DCC: variants seen among roughly 807,000 people sequenced by gnomAD.
The protein encoded by DCC is DCC netrin 1 receptor, also known as netrin receptor DCC.
In DCC, 58 loss-of-function variants were observed where a neutral mutation model predicts 172.5. That is an observed-to-expected ratio of 0.34 (90% confidence interval 0.27 to 0.42). The LOEUF (loss-of-function observed/expected upper bound fraction) is 0.42. Among genes scored for constraint, DCC ranks in the 10% least tolerant of loss-of-function variants. The pLI, the probability that DCC is intolerant of heterozygous loss-of-function variation, is 1.00. For missense variants in DCC, 1,740 were observed against 1,791.0 expected (o/e 0.97, Z 0.51); for synonymous variants, 709 against 644.5 (o/e 1.10, Z -1.52).
intron 5 of DCC, among the ~76,000 whole-genome samples, chr18:53,054,377 C>T (rs574300068): frequency 6.6e-6 from 1 of 151,970 alleles, no homozygotes; most frequent in Non-Finnish European, 1.5e-5. Flanking sequence ...TATATGTAGG[C>T]TCACACACAC....
chr18:53,183,669 A>T (rs2055233588), intron 9 of DCC, among the ~76,000 whole-genome samples: 1 of 152,058 alleles, frequency 6.6e-6, no homozygotes, highest in Non-Finnish European at 1.5e-5. Context: ...TATATTCTTT[A>T]CACTAAAAAG....
intron 7 of DCC, among the ~76,000 whole-genome samples, chr18:53,072,534 C>G (rs965624303): frequency 2.0e-5 from 3 of 152,064 alleles, no homozygotes; most frequent in African/African-American, 7.2e-5. Flanking sequence ...AGTGGAGGGC[C>G]GTGGAACTGG....
chr18:53,247,768 T>C (rs1055519322), intron 12 of DCC, among the ~76,000 whole-genome samples: 1 of 152,020 alleles, frequency 6.6e-6, no homozygotes, highest in African/African-American at 2.4e-5. Flanking sequence ...TGGAAACTAG[T>C]CTATTTGGTT....
intron 2 of DCC, among the ~76,000 whole-genome samples, chr18:52,784,977 A>C (rs758944536): frequency 1.3e-5 from 2 of 151,704 alleles, no homozygotes; most frequent in Non-Finnish European, 2.9e-5. Context: ...TGTCCAAAAA[A>C]GTGGGGAGGT....
At chr18:52,809,543 G>T (rs12967780) in intron 2 of DCC, 88,276 of 153,052 alleles carry the variant, frequency 0.58, 28,889 homozygotes, top group East Asian at 0.85. Flanking sequence ...ACAATGGCGA[G>T]CCTTTAGCCA....
intron 7 of DCC, among the ~76,000 whole-genome samples, chr18:53,134,859 G>T (rs1211199367): frequency 6.6e-6 from 1 of 152,114 alleles, no homozygotes; most frequent in Admixed American, 6.6e-5. Context: ...GTTGACGTTT[G>T]CAAATGACAG....
intron 5 of DCC, among the ~76,000 whole-genome samples, chr18:53,008,266 G>A (rs182859970): frequency 9.9e-5 from 15 of 151,978 alleles, no homozygotes; most frequent in African/African-American, 2.4e-4. Context: ...CAGTTATTTC[G>A]CGGACTTGTG....
At chr18:53,203,898 G>A (rs1042947774) in intron 9 of DCC, among the ~76,000 whole-genome samples, 1 of 152,080 alleles carries the variant, frequency 6.6e-6, no homozygotes, top group South Asian at 2.1e-4. Flanking sequence ...CTATATACAG[G>A]TCCATATGCA....
intron 1 of DCC, among the ~76,000 whole-genome samples, chr18:52,576,414 T>G (rs1144089): frequency 1.7e-4 from 26 of 152,322 alleles, no homozygotes; most frequent in Admixed American, 1.6e-3. Context: ...TAGAATAATT[T>G]TAAAGAGGGC....
intron 25 of DCC, among the ~76,000 whole-genome samples, chr18:53,468,363 T>TTTATTTAA (rs1555675962): frequency 1.8e-5 from 1 of 54,722 alleles, no homozygotes; most frequent in African/African-American, 4.3e-5. Flanking sequence ...TATTTATTTA[T>TTTATTTAA]TTTATTTATT....
At chr18:52,922,625 G>A (rs2040143577) in intron 3 of DCC, among the ~76,000 whole-genome samples, 1 of 152,162 alleles carries the variant, frequency 6.6e-6, no homozygotes, top group Non-Finnish European at 1.5e-5. Context: ...GTCTTCCTCA[G>A]GAGATGTGGA....
intron 15 of DCC, among the ~76,000 whole-genome samples, chr18:53,351,808 C>A (rs527765661): frequency 1.3e-5 from 2 of 151,816 alleles, no homozygotes; most frequent in Non-Finnish European, 2.9e-5. Context: ...CAGACAGCAA[C>A]TTGCTGTGTT....
intron 12 of DCC, among the ~76,000 whole-genome samples, chr18:53,295,156 A>T (rs545037534): frequency 7.2e-5 from 11 of 152,274 alleles, no homozygotes; most frequent in African/African-American, 2.2e-4. Context: ...CTGGAAATGT[A>T]TCATACTGAT....
At position 52,443,373 on chromosome 18, in the gene DCC, C is replaced by T. The variant is rs559920103; in HGVS notation, c.91+102495C>T. On this transcript the variant is annotated intron_variant, in intron 1 of 28. Transcript: ENST00000442544. ...TCCCAGACCTTTGAGAACACATAATCTATTGAAGAGAGACAAGCATACAAG... is the reference window on the plus strand; with the variant it reads ...TCCCAGACCTTTGAGAACACATAATTTATTGAAGAGAGACAAGCATACAAG... Among the ~76,000 whole-genome samples the T allele has an allele frequency of 1.7e-3, 255 of 152,210 alleles. 3 individuals carry two copies. Among genetic ancestry groups the T allele is most frequent in the African/African-American group, 5.9e-3 (247 of 41,518 alleles).
At chr18:53,211,834 G>A (rs910410786) in intron 11 of DCC, among the ~76,000 whole-genome samples, 2 of 152,086 alleles carry the variant, frequency 1.3e-5, no homozygotes, top group Non-Finnish European at 2.9e-5. Flanking sequence ...GATCACTTGA[G>A]GCCAGAAGTT....
chr18:53,466,181 A>G (rs1488066259), intron 24 of DCC, among the ~76,000 whole-genome samples: 2 of 152,168 alleles, frequency 1.3e-5, no homozygotes, highest in Non-Finnish European at 2.9e-5. Context: ...CGGCCTCCAT[A>G]ACAGGTGCAA....
chr18:53,063,973 T>A (rs1307823366), intron 6 of DCC, among the ~76,000 whole-genome samples: 8 of 152,108 alleles, frequency 5.3e-5, no homozygotes, highest in Non-Finnish European at 8.8e-5. Flanking sequence ...AGTGGTGATG[T>A]GGTAATGAGG....
At chr18:52,697,523 C>A (rs568071889) in intron 1 of DCC, among the ~76,000 whole-genome samples, 2 of 152,140 alleles carry the variant, frequency 1.3e-5, no homozygotes, top group East Asian at 3.9e-4. Context: ...TCAAATGACC[C>A]AGAAAATAGT....
chr18:52,403,643 T>A (rs16954863), intron 1 of DCC, among the ~76,000 whole-genome samples: 2 of 151,978 alleles, frequency 1.3e-5, no homozygotes, highest in African/African-American at 4.8e-5. Flanking sequence ...GAAATGAAAA[T>A]GAAAATTATT....
Sources: gnomAD v4.1 joint callset for allele counts (sites outside exome capture counted in the v4.1 genomes callset) on GRCh38, gnomAD v4.1.1 for gene constraint, MANE v1.5 for transcripts, NCBI Gene and HGNC (gene_info 2026-07-23, HGNC 2026-07-21) for gene names.